Variants in TBC1D5 observed in about 807,000 individuals in gnomAD.
The protein encoded by TBC1D5 is TBC1 domain family, member 5.
Under a neutral mutation model 100.3 loss-of-function variants are expected in TBC1D5, and 75 were observed. The ratio of observed to expected loss-of-function variants is 0.75; its 90% confidence interval spans 0.62 to 0.91. TBC1D5 has a LOEUF of 0.91. Among genes scored for constraint, TBC1D5 ranks in the 40% least tolerant of loss-of-function variants. The pLI, the probability that TBC1D5 is intolerant of heterozygous loss-of-function variation, is 0.00. For synonymous variants in TBC1D5, 323 were observed against 325.6 expected (o/e 0.99, Z 0.09); for missense variants, 910 against 942.4 (o/e 0.97, Z 0.45).
chr3:17,549,906 G>A (rs1560140257), intron 2 of TBC1D5, among the ~76,000 whole-genome samples: 1 of 150,900 alleles, frequency 6.6e-6, no homozygotes, highest in East Asian at 1.9e-4. Context: ...CTCCAACCTG[G>A]GCAACACAAT....
intron 17 of TBC1D5, among the ~76,000 whole-genome samples, chr3:17,220,934 C>T (rs2074211226): frequency 6.6e-6 from 1 of 152,106 alleles, no homozygotes; most frequent in Non-Finnish European, 1.5e-5. Flanking sequence ...ATTTATTCAT[C>T]TCTTCAAAGT....
intron 13 of TBC1D5, among the ~76,000 whole-genome samples, chr3:17,313,259 G>T (rs1450115134): frequency 1.3e-5 from 2 of 151,976 alleles, no homozygotes; most frequent in Admixed American, 6.6e-5. Flanking sequence ...TAAGCTACTG[G>T]GTATCTCCTT....
intron 3 of TBC1D5, among the ~76,000 whole-genome samples, chr3:17,430,424 A>G (rs1379875559): frequency 6.6e-6 from 1 of 151,876 alleles, no homozygotes; most frequent in East Asian, 1.9e-4. Context: ...AGGTTTTATC[A>G]TATTATAAAG....
intron 13 of TBC1D5, among the ~76,000 whole-genome samples, chr3:17,317,998 C>A (rs1326643880): frequency 2.6e-5 from 4 of 151,984 alleles, no homozygotes; most frequent in Non-Finnish European, 5.9e-5. Context: ...CAATGATAGA[C>A]TGGATTAAGA....
intron 2 of TBC1D5, chr3:17,524,601 A>G (rs1249720692): frequency 6.6e-6 from 1 of 152,152 alleles, no homozygotes; most frequent in Non-Finnish European, 1.5e-5. Flanking sequence ...AGAAGTTTAT[A>G]TGTGCACAAA....
chr3:17,519,432 C>T (rs943269282), intron 2 of TBC1D5, among the ~76,000 whole-genome samples: 14 of 152,204 alleles, frequency 9.2e-5, no homozygotes, highest in African/African-American at 3.1e-4. Context: ...TTACCAACTG[C>T]TACTGGCCCT....
intron 1 of TBC1D5, among the ~76,000 whole-genome samples, chr3:17,732,071 A>C (rs2153987123): frequency 6.6e-6 from 1 of 152,218 alleles, no homozygotes; most frequent in East Asian, 1.9e-4. Flanking sequence ...TAATCCCAGC[A>C]CTTTGGGAGG....
In TBC1D5 at chr3:17,583,651, T is replaced by C. The variant is rs189806732; in HGVS notation, c.-36+40198A>G. Among the ~76,000 whole-genome samples, 533 of 152,278 alleles carry C rather than the reference T, an allele frequency of 3.5e-3. 4 individuals carry two copies. Among genetic ancestry groups the C allele is most frequent in the African/African-American group, 0.012 (505 of 41,562 alleles). On this transcript the variant is annotated intron_variant, in intron 2 of 21. Coordinates refer to ENST00000253692, the Ensembl canonical transcript of TBC1D5. The stretch of plus-strand genomic sequence containing the variant: ...CTGAGGCAAGAGAATCGCTTGAACC[T>C]GGGAGACGGAGGCTGCAGTGAGCCA...
At chr3:17,231,310 C>CT (rs1052641387) in intron 17 of TBC1D5, among the ~76,000 whole-genome samples, 11 of 151,636 alleles carry the variant, frequency 7.3e-5, no homozygotes, top group East Asian at 1.9e-4. Flanking sequence ...TCTGCTGTGG[C>CT]TTTTTTTTGG....
At chr3:17,741,306 A>C (rs750721745), upstream of TBC1D5, among the ~76,000 whole-genome samples, 34 of 152,250 alleles carry the variant, frequency 2.2e-4, no homozygotes, top group Non-Finnish European at 4.6e-4. Flanking sequence ...AAAATGCTCA[A>C]GTTTACAAAT....
chr3:17,366,002 C>A (rs188501051), intron 13 of TBC1D5, among the ~76,000 whole-genome samples: 33 of 152,244 alleles, frequency 2.2e-4, no homozygotes, highest in Admixed American at 4.6e-4. Flanking sequence ...TAAGATAAAG[C>A]CTTTTGGCCA....
chr3:17,579,218 C>A (rs1348927702), intron 2 of TBC1D5, among the ~76,000 whole-genome samples: 1 of 151,898 alleles, frequency 6.6e-6, no homozygotes, highest in Non-Finnish European at 1.5e-5. Context: ...CAAACTAGTA[C>A]AAACCCAAAT....
At chr3:17,635,711 A>G (rs2063849721) in intron 1 of TBC1D5, among the ~76,000 whole-genome samples, 1 of 152,122 alleles carries the variant, frequency 6.6e-6, no homozygotes, top group African/African-American at 2.4e-5. Flanking sequence ...ACACTATCCT[A>G]ATGAAAAGGT....
At chr3:17,325,807 C>A (rs1373723032) in intron 13 of TBC1D5, among the ~76,000 whole-genome samples, 3 of 152,074 alleles carry the variant, frequency 2.0e-5, no homozygotes, top group Non-Finnish European at 4.4e-5. Context: ...GCAGGAACAG[C>A]TTTTACGTAT....
At chr3:17,693,237 A>G (rs2071435695) in intron 1 of TBC1D5, among the ~76,000 whole-genome samples, 1 of 152,204 alleles carries the variant, frequency 6.6e-6, no homozygotes, top group Non-Finnish European at 1.5e-5. Flanking sequence ...CTGGTTGGAC[A>G]TTGGGTGCAG....
chr3:17,262,438 C>T (rs532125033), intron 15 of TBC1D5, among the ~76,000 whole-genome samples: 1 of 151,326 alleles, frequency 6.6e-6, no homozygotes, highest in Non-Finnish European at 1.5e-5. Context: ...CATTTTGACA[C>T]AGTCGGGACT....
chr3:17,195,973 G>A (rs1039393974), intron 18 of TBC1D5, among the ~76,000 whole-genome samples: 9 of 152,122 alleles, frequency 5.9e-5, no homozygotes, highest in African/African-American at 2.2e-4. Flanking sequence ...GAGAAATGAA[G>A]CAACTTTTCA....
chr3:17,385,492 G>A (rs1053375284), intron 8 of TBC1D5, among the ~76,000 whole-genome samples: 1 of 152,036 alleles, frequency 6.6e-6, no homozygotes, highest in Admixed American at 6.6e-5. Context: ...GCTTCACTCT[G>A]CTACTTTGTT....
chr3:17,273,223 T>C (rs1313170877), intron 15 of TBC1D5, among the ~76,000 whole-genome samples: 1 of 152,166 alleles, frequency 6.6e-6, no homozygotes, highest in Non-Finnish European at 1.5e-5. Context: ...TCTGTCTTCT[T>C]ACAGTTTTCC....
Sources: gnomAD v4.1 joint callset for allele counts (sites outside exome capture counted in the v4.1 genomes callset) on GRCh38, gnomAD v4.1.1 for gene constraint, MANE v1.5 for transcripts, NCBI Gene and HGNC (gene_info 2026-07-23, HGNC 2026-07-21) for gene names.